Variants in CYP39A1 observed in about 807,000 individuals in gnomAD.
The protein encoded by CYP39A1 is 24-hydroxycholesterol 7-alpha-hydroxylase.
CYP39A1 carries 49 observed loss-of-function variants against 58.1 expected under a neutral mutation model. The observed-to-expected ratio is 0.84, with a 90% CI of 0.67 to 1.07. The LOEUF is 1.07. CYP39A1 is among the 50% of genes least tolerant of loss of function. CYP39A1 has a pLI of 0.00. For missense variants in CYP39A1, 531 were observed against 539.4 expected (o/e 0.98, Z 0.16); for synonymous variants, 209 against 187.6 (o/e 1.11, Z -0.93).
intron 10 of CYP39A1, among the ~76,000 whole-genome samples, chr6:46,580,361 G>A (rs776038345): frequency 5.3e-5 from 8 of 152,130 alleles, no homozygotes; most frequent in Non-Finnish European, 1.0e-4. Context: ...AACTCAAGAT[G>A]AATTGAAGAC....
intron 1 of CYP39A1, among the ~76,000 whole-genome samples, chr6:46,649,443 G>C (rs887802944): frequency 6.6e-6 from 1 of 152,184 alleles, no homozygotes; most frequent in African/African-American, 2.4e-5. Context: ...ATCGTTGCAA[G>C]ATCATTGCAG....
intron 10 of CYP39A1, among the ~76,000 whole-genome samples, chr6:46,563,735 A>T (rs1771105020): frequency 6.6e-6 from 1 of 152,194 alleles, no homozygotes; most frequent in South Asian, 2.1e-4. Context: ...AAATAAGTAG[A>T]CTTGTTGAGT....
intron 10 of CYP39A1, among the ~76,000 whole-genome samples, chr6:46,584,795 C>T (rs915752810): frequency 2.0e-5 from 3 of 152,124 alleles, no homozygotes; most frequent in African/African-American, 7.2e-5. Context: ...TAAAAGGTCT[C>T]CCGCCACTTT....
At chr6:46,573,650 C>T (rs965703636) in intron 10 of CYP39A1, among the ~76,000 whole-genome samples, 6 of 152,022 alleles carry the variant, frequency 3.9e-5, no homozygotes, top group Non-Finnish European at 7.4e-5. Flanking sequence ...AGTGGTGGTC[C>T]CAGTATTCAG....
chr6:46,633,142 CCA>C (rs1775761408), intron 5 of CYP39A1, among the ~76,000 whole-genome samples: 1 of 151,980 alleles, frequency 6.6e-6, no homozygotes, highest in African/African-American at 2.4e-5. Context: ...GGTAAGCACC[CCA>C]AAAATGTTAG....
At chr6:46,639,730 T>C (rs1437604840) in intron 2 of CYP39A1, 62 bp from the exon 3 acceptor site, 3 of 1,381,060 alleles carry the variant, frequency 2.2e-6, no homozygotes, top group African/African-American at 1.5e-5. Flanking sequence ...ACAGTCAATA[T>C]ATATCTACTA....
intron 1 of CYP39A1, among the ~76,000 whole-genome samples, chr6:46,648,260 C>T (rs1250731848): frequency 1.3e-5 from 2 of 152,090 alleles, no homozygotes; most frequent in Admixed American, 6.6e-5. Context: ...TTGGAACTAA[C>T]CCAAATGTCC....
chr6:46,630,095 C>T (rs963644020), intron 6 of CYP39A1, among the ~76,000 whole-genome samples: 1 of 149,968 alleles, frequency 6.7e-6, no homozygotes, highest in Non-Finnish European at 1.5e-5. Flanking sequence ...GACACCATCT[C>T]AAAAAAACAA....
chr6:46,632,853 T>C (rs1250641349), intron 5 of CYP39A1, among the ~76,000 whole-genome samples: 1 of 152,080 alleles, frequency 6.6e-6, no homozygotes, highest in African/African-American at 2.4e-5. Context: ...CACAACTCTC[T>C]TGTATTAGGG....
At chr6:46,634,519 T>G (rs1299230046) in intron 5 of CYP39A1, among the ~76,000 whole-genome samples, 57 of 128,836 alleles carry the variant, frequency 4.4e-4, no homozygotes, top group African/African-American at 1.6e-3. Context: ...TTTTTTTTCT[T>G]TTTGCTTTTT....
At chr6:46,602,103 T>C (rs974045074) in intron 7 of CYP39A1, among the ~76,000 whole-genome samples, 10 of 152,178 alleles carry the variant, frequency 6.6e-5, no homozygotes, top group Admixed American at 2.0e-4. Flanking sequence ...TAACACAGTG[T>C]CCAGCATACA....
At chr6:46,590,862 A>C (rs908389019) in intron 8 of CYP39A1, among the ~76,000 whole-genome samples, 1 of 152,150 alleles carries the variant, frequency 6.6e-6, no homozygotes, top group African/African-American at 2.4e-5. Context: ...TTCATGGTGA[A>C]TATTTCTTCC....
At chr6:46,600,612 C>T (rs1052372600) in intron 7 of CYP39A1, among the ~76,000 whole-genome samples, 2 of 152,060 alleles carry the variant, frequency 1.3e-5, no homozygotes, top group Admixed American at 6.6e-5. Context: ...TCAATCATGC[C>T]TTTGTACTGT....
chr6:46,575,450 T>C (rs1156955788), intron 10 of CYP39A1, among the ~76,000 whole-genome samples: 7 of 152,306 alleles, frequency 4.6e-5, no homozygotes, highest in African/African-American at 1.4e-4. Flanking sequence ...CCAGCCTCAA[T>C]TGCCCAGCCA....
intron 7 of CYP39A1, among the ~76,000 whole-genome samples, chr6:46,624,429 A>G (rs1775174409): frequency 6.6e-6 from 1 of 152,174 alleles, no homozygotes; most frequent in Non-Finnish European, 1.5e-5. Flanking sequence ...TTGGCATTCA[A>G]TGATAATGAT....
At chr6:46,573,166 G>T (rs1312944433) in intron 10 of CYP39A1, among the ~76,000 whole-genome samples, 3 of 151,968 alleles carry the variant, frequency 2.0e-5, no homozygotes, top group Admixed American at 1.3e-4. Flanking sequence ...ACTCTTTAGG[G>T]TTTCGCATTG....
At chr6:46,567,421 C>T (rs1771351964) in intron 10 of CYP39A1, among the ~76,000 whole-genome samples, 1 of 152,044 alleles carries the variant, frequency 6.6e-6, no homozygotes, top group South Asian at 2.1e-4. Context: ...ATTAATGCTG[C>T]AATGAGCCTA....
At position 46,572,205 on chromosome 6, in the gene CYP39A1, A is replaced by G. The variant is rs550976805; in HGVS notation, c.1250+14872T>C. On this transcript the variant is annotated intron_variant, in intron 10 of 11. Coordinates refer to ENST00000275016, the MANE Select transcript of CYP39A1 (RefSeq NM_016593.5). ...CGGGAGTTAAAAACATATTTATATA[A>G]CACCATTATTGGATTATAATATTCT... Among the ~76,000 whole-genome samples the G allele has an allele frequency of 8.5e-5, 13 of 152,206 alleles. No individual in the cohort carries two copies. In the South Asian group the frequency reaches 2.7e-3, roughly 32 times the overall value.
At chr6:46,635,994 A>T (rs1370708865) in intron 5 of CYP39A1, among the ~76,000 whole-genome samples, 1 of 152,264 alleles carries the variant, frequency 6.6e-6, no homozygotes, top group South Asian at 2.1e-4. Flanking sequence ...AAATTATACT[A>T]TTCTGCTTCC....
Sources: gnomAD v4.1 joint callset for allele counts (sites outside exome capture counted in the v4.1 genomes callset) on GRCh38, gnomAD v4.1.1 for gene constraint, MANE v1.5 for transcripts, NCBI Gene and HGNC (gene_info 2026-07-23, HGNC 2026-07-21) for gene names.